SGCD: variants seen among roughly 807,000 people sequenced by gnomAD.
SGCD encodes the protein delta-sarcoglycan.
A neutral mutation model predicts 36.6 loss-of-function variants in SGCD; 18 were observed. The ratio of observed to expected loss-of-function variants is 0.49; its 90% CI spans 0.34 to 0.73. SGCD has a LOEUF of 0.73. SGCD is among the 30% of genes least tolerant of loss of function. The pLI, the probability that SGCD is intolerant of heterozygous loss-of-function variation, is 0.01. For missense variants in SGCD, 387 were observed against 346.7 expected, an observed-to-expected ratio of 1.12 and a Z score of -0.92; for synonymous variants, 133 against 130.6, an observed-to-expected ratio of 1.02 and a Z score of -0.12.
chr5:156,241,394 C>G (rs921115189), intron 3 of SGCD, among the ~76,000 whole-genome samples: 4 of 151,996 alleles, frequency 2.6e-5, no homozygotes, highest in African/African-American at 9.7e-5. Flanking sequence ...TTAGAGAATG[C>G]TTTGTGGACA....
intron 7 of SGCD, among the ~76,000 whole-genome samples, chr5:156,671,128 T>G (rs557667685): frequency 3.9e-5 from 6 of 152,074 alleles, no homozygotes; most frequent in African/African-American, 1.4e-4. Flanking sequence ...TTTTTCTTTT[T>G]GAGTCTATTA....
chr5:156,629,759 T>G (rs981429285), intron 6 of SGCD, among the ~76,000 whole-genome samples: 1 of 151,452 alleles, frequency 6.6e-6, no homozygotes, highest in Non-Finnish European at 1.5e-5. Context: ...TGTGTTCTAA[T>G]AAAACTTTAC....
chr5:156,570,757 A>G (rs1759685352), intron 4 of SGCD, among the ~76,000 whole-genome samples: 1 of 152,118 alleles, frequency 6.6e-6, no homozygotes, highest in African/African-American at 2.4e-5. Context: ...AAACCTATTA[A>G]TAGTATCCAT....
At chr5:155,889,841 G>T (rs562092555) in intron 1 of SGCD, among the ~76,000 whole-genome samples, 15 of 152,302 alleles carry the variant, frequency 9.8e-5, no homozygotes, top group African/African-American at 3.6e-4. Context: ...TGGACCTCTT[G>T]TGGGCACCCG....
chr5:155,917,297 G>C (rs1162052085), intron 1 of SGCD, among the ~76,000 whole-genome samples: 1 of 152,050 alleles, frequency 6.6e-6, no homozygotes, highest in East Asian at 1.9e-4. Context: ...TGTGAGGGTG[G>C]GCCTCGGTGG....
intron 3 of SGCD, among the ~76,000 whole-genome samples, chr5:156,455,643 A>C (rs1358772768): frequency 1.3e-5 from 2 of 152,158 alleles, no homozygotes; most frequent in African/African-American, 4.8e-5. Context: ...GGAAGAATGA[A>C]ACACTGGGGA....
intron 3 of SGCD, among the ~76,000 whole-genome samples, chr5:156,492,469 GA>G (rs1183260724): frequency 3.3e-5 from 5 of 151,936 alleles, no homozygotes; most frequent in Admixed American, 6.6e-5. Context: ...CTCAAGGCAG[GA>G]AAAAATCCTC....
At chr5:156,304,117 G>T (rs1767135129) in intron 3 of SGCD, among the ~76,000 whole-genome samples, 1 of 152,100 alleles carries the variant, frequency 6.6e-6, no homozygotes, top group South Asian at 2.1e-4. Flanking sequence ...TATAGTGGTG[G>T]GCTAGCCAGA....
intron 1 of SGCD, among the ~76,000 whole-genome samples, chr5:156,049,129 G>A (rs574178907): frequency 6.9e-6 from 1 of 145,964 alleles, no homozygotes. Context: ...AAGATCAGAT[G>A]GTTGTAGATA....
chr5:156,233,368 A>G (rs909285863), intron 3 of SGCD, among the ~76,000 whole-genome samples: 1 of 152,228 alleles, frequency 6.6e-6, no homozygotes, highest in Admixed American at 6.5e-5. Flanking sequence ...CTCTAACTGT[A>G]GCTTGCCTGT....
At chr5:156,208,386 G>C (rs1764345966) in intron 3 of SGCD, among the ~76,000 whole-genome samples, 1 of 152,220 alleles carries the variant, frequency 6.6e-6, no homozygotes, top group East Asian at 1.9e-4. Flanking sequence ...CTCAGGTAAT[G>C]TTCTCTGCAT....
chr5:155,831,496 T>C, the SGCD span, among the ~76,000 whole-genome samples: 3 of 152,240 alleles, frequency 2.0e-5, no homozygotes, highest in Non-Finnish European at 4.4e-5. Context: ...CACTTGCTTA[T>C]TGAAGGATGC....
At chr5:155,797,681 A>G in the SGCD span, among the ~76,000 whole-genome samples, 15 of 152,214 alleles carry the variant, frequency 9.9e-5, no homozygotes, top group African/African-American at 3.4e-4. Flanking sequence ...GTGACTCTAG[A>G]CAAAAAATCC....
At chr5:156,186,878 A>G (rs1261457408) in intron 3 of SGCD, among the ~76,000 whole-genome samples, 1 of 152,088 alleles carries the variant, frequency 6.6e-6, no homozygotes, top group Non-Finnish European at 1.5e-5. Flanking sequence ...TCTGCCTTTT[A>G]CTCATCCAAA....
At chr5:156,628,879 G>T (rs1365195329) in intron 6 of SGCD, among the ~76,000 whole-genome samples, 2 of 152,068 alleles carry the variant, frequency 1.3e-5, no homozygotes, top group Non-Finnish European at 2.9e-5. Context: ...AACTAGAGTT[G>T]GGATCATAGC....
At chr5:156,319,115 C>T (rs1333414807) in intron 3 of SGCD, among the ~76,000 whole-genome samples, 1 of 152,114 alleles carries the variant, frequency 6.6e-6, no homozygotes, top group East Asian at 1.9e-4. Flanking sequence ...TCTATTACAT[C>T]AGCACTCCAT....
intron 7 of SGCD, among the ~76,000 whole-genome samples, chr5:156,656,669 T>TA (rs1248620776): frequency 2.0e-5 from 3 of 152,200 alleles, no homozygotes; most frequent in African/African-American, 7.2e-5. Context: ...CAGGAAACTT[T>TA]AAAGATTGTT....
At chr5:155,738,715 TGA>T in the SGCD span, among the ~76,000 whole-genome samples, 7,166 of 149,152 alleles carry the variant, frequency 0.048, 527 homozygotes, top group African/African-American at 0.16. Context: ...TGTGTGAGTG[TGA>T]GAGAGTGTGT....
At chr5:156,001,722 G>T (rs1758667845) in intron 1 of SGCD, among the ~76,000 whole-genome samples, 1 of 152,174 alleles carries the variant, frequency 6.6e-6, no homozygotes. Context: ...CTATTAAGAA[G>T]AAGAATAGAT....
Sources: allele counts gnomAD v4.1 joint callset (sites outside exome capture counted in the v4.1 genomes callset), GRCh38; gene constraint gnomAD v4.1.1; transcripts MANE v1.5; gene names NCBI Gene and HGNC (gene_info 2026-07-23, HGNC 2026-07-21).